Variants in TTC1 observed in about 807,000 individuals in gnomAD.
TTC1 encodes tetratricopeptide repeat domain 1.
In TTC1, 31 loss-of-function variants were observed where a neutral mutation model predicts 37.6. The observed-to-expected ratio is 0.82, with a 90% CI of 0.62 to 1.11. The LOEUF (loss-of-function observed/expected upper bound fraction) is 1.11, where lower values mean the gene tolerates loss of function less well. TTC1 is among the 50% of genes most tolerant of loss of function. TTC1 has a pLI of 0.00. For synonymous variants in TTC1, 127 were observed against 122.4 expected (o/e 1.04, Z -0.25); for missense variants, 351 against 339.0 (o/e 1.04, Z -0.28).
At chr5:160,049,816 G>A (rs1018727106) in intron 6 of TTC1, among the ~76,000 whole-genome samples, 154 bp downstream of exon 6, 10 of 152,130 alleles carry the variant, frequency 6.6e-5, no homozygotes, top group Non-Finnish European at 1.2e-4. Context: ...AGTGGCTCTT[G>A]CCTGTAATCC....
rs57919333 is a variant in TTC1 at position 160,045,454 on chromosome 5, C to CCACACACA, written c.541+2338_541+2345dup. 5.9e-3 allele frequency among the ~76,000 whole-genome samples: 228 copies of CCACACACA among 38,878 alleles called. 14 individuals carry two copies. Among genetic ancestry groups the CCACACACA allele is most frequent in the Non-Finnish European group, 7.7e-3 (161 of 20,838 alleles). The allele number at this position is 38,878 out of a possible 152,430, so 25.5% of individuals were successfully genotyped here. A position where few individuals can be genotyped will look rare whatever the true frequency, so the allele number is the denominator to read the frequency against. On this transcript the variant is annotated intron_variant, in intron 5 of 7. Coordinates refer to ENST00000231238, the MANE Select transcript of TTC1 (RefSeq NM_003314.3). ...GAGAGCCCCCGACATCCCCCACCCT[C>CCACACACA]CACACACACACACACACACACACAC... is the stretch of plus-strand genomic sequence containing the variant.
chr5:160,009,392 A>C lies in TTC1; in HGVS notation c.-30+199A>C, dbSNP rs574235263. Among the ~76,000 whole-genome samples, 5 of 152,220 alleles carry C rather than the reference A, an allele frequency of 3.3e-5. No homozygotes were observed. In the East Asian group the frequency reaches 9.6e-4, roughly 29 times the overall value. ...GTATTAAGATCTTGCTGGTTTTTTA[A>C]GTTTTCTTGGCACATACTAGGGCAA... On this transcript the variant is annotated intron_variant, in intron 1 of 7. Transcript: ENST00000231238.
intron 4 of TTC1, among the ~76,000 whole-genome samples, chr5:160,041,555 C>G (rs191498215): frequency 7.9e-5 from 12 of 152,052 alleles, no homozygotes; most frequent in African/African-American, 2.9e-4. Flanking sequence ...TCAGGTGATC[C>G]GCCCACCTTG....
At chr5:160,018,770 G>A (rs749054009) in intron 2 of TTC1, among the ~76,000 whole-genome samples, 6 of 152,172 alleles carry the variant, frequency 3.9e-5, no homozygotes, top group Non-Finnish European at 7.3e-5. Context: ...GAGGATGGAG[G>A]AGGGACATGA....
chr5:160,050,237 C>T (rs1353794708), intron 6 of TTC1, among the ~76,000 whole-genome samples: 3 of 152,144 alleles, frequency 2.0e-5, no homozygotes, highest in African/African-American at 4.8e-5. Context: ...CACCTGAGGT[C>T]GGGAGTTCGA....
chr5:160,048,139 T>C (rs1757305377), intron 5 of TTC1, among the ~76,000 whole-genome samples: 1 of 129,430 alleles, frequency 7.7e-6, no homozygotes, highest in African/African-American at 2.9e-5. Flanking sequence ...TTTTTTTTTT[T>C]TTTTTTTTTT....
intron 2 of TTC1, among the ~76,000 whole-genome samples, chr5:160,011,346 G>A (rs1462836927): frequency 6.6e-6 from 1 of 152,120 alleles, no homozygotes; most frequent in Non-Finnish European, 1.5e-5. Context: ...ACAGAATTGT[G>A]TATGATTATA....
intron 5 of TTC1, among the ~76,000 whole-genome samples, chr5:160,045,520 A>ACACACACACACTCTCTCT (rs1202139318): frequency 3.6e-5 from 2 of 54,882 alleles, no homozygotes; most frequent in Admixed American, 2.3e-4. Flanking sequence ...ACACATACAC[A>ACACACACACACTCTCTCT]CTCTCTCTCT....
intron 2 of TTC1, among the ~76,000 whole-genome samples, chr5:160,034,329 TTCTC>T (rs1340842875): frequency 6.6e-6 from 1 of 152,188 alleles, no homozygotes; most frequent in Non-Finnish European, 1.5e-5. Flanking sequence ...CAGGATAACA[TTCTC>T]TCAGCCTTTG....
chr5:160,050,332 A>G (rs1477552635), intron 6 of TTC1, among the ~76,000 whole-genome samples: 1 of 152,004 alleles, frequency 6.6e-6, no homozygotes, highest in Non-Finnish European at 1.5e-5. Context: ...CTGTAATCCC[A>G]GCTACTCGAG....
intron 2 of TTC1, among the ~76,000 whole-genome samples, chr5:160,026,462 CTTTATATATT>C (rs1344959736): frequency 6.6e-6 from 1 of 152,010 alleles, no homozygotes; most frequent in Non-Finnish European, 1.5e-5. Flanking sequence ...TCAGTTTTTC[CTTTATATATT>C]TTATGGTTCT....
At chr5:160,012,092 A>G (rs1756512314) in intron 2 of TTC1, among the ~76,000 whole-genome samples, 1 of 152,224 alleles carries the variant, frequency 6.6e-6, no homozygotes, top group Non-Finnish European at 1.5e-5. Flanking sequence ...TACAGCTCAA[A>G]AAAATTAACT....
chr5:160,036,583 C>G (rs2113370019), intron 3 of TTC1, 108 bp from the exon 4 acceptor site: 1 of 743,022 alleles, frequency 1.3e-6, no homozygotes. Flanking sequence ...TCTTTTAACT[C>G]AAAACCTTCA....
intron 4 of TTC1, among the ~76,000 whole-genome samples, chr5:160,038,001 TTTG>T (rs777367299): frequency 4.5e-4 from 68 of 152,278 alleles, no homozygotes; most frequent in Admixed American, 1.6e-3. Context: ...CAAGGTTTTT[TTTG>T]TTGTTGTTGT....
intron 2 of TTC1, among the ~76,000 whole-genome samples, chr5:160,032,017 G>T (rs1415369790): frequency 6.6e-6 from 1 of 152,196 alleles, no homozygotes; most frequent in African/African-American, 2.4e-5. Context: ...GACATGGTAA[G>T]TATTTCTCGA....
chr5:160,045,597 G>T (rs1757222053), intron 5 of TTC1, among the ~76,000 whole-genome samples: 1 of 143,740 alleles, frequency 7.0e-6, no homozygotes, highest in African/African-American at 2.6e-5. Context: ...CCTTGGCAAA[G>T]AACTTAGCTT....
intron 6 of TTC1, among the ~76,000 whole-genome samples, chr5:160,050,754 T>C: frequency 6.6e-6 from 1 of 151,318 alleles, no homozygotes. Flanking sequence ...GCCTCCTGAG[T>C]AGCTGCGACT....
At chr5:160,051,338 G>A (rs541303207) in intron 7 of TTC1, among the ~76,000 whole-genome samples, 155 bp downstream of exon 7, 5 of 152,258 alleles carry the variant, frequency 3.3e-5, no homozygotes, top group African/African-American at 1.2e-4. Flanking sequence ...AAGGGGCAGC[G>A]TGGCTTAGAG....
chr5:160,039,019 A>G (rs1483061180), intron 4 of TTC1: 1 of 152,188 alleles, frequency 6.6e-6, no homozygotes, highest in East Asian at 1.9e-4. Flanking sequence ...GATAACTTCT[A>G]GGATTAGTAC....
Sources: gnomAD v4.1 joint callset for allele counts (sites outside exome capture counted in the v4.1 genomes callset) on GRCh38, gnomAD v4.1.1 for gene constraint, MANE v1.5 for transcripts, NCBI Gene and HGNC (gene_info 2026-07-23, HGNC 2026-07-21) for gene names.